VASH1: variants seen among roughly 807,000 people sequenced by gnomAD.
VASH1 encodes the protein vasohibin 1.
VASH1 carries 16 observed loss-of-function variants against 35.0 expected under a neutral mutation model. That is an observed-to-expected ratio of 0.46 (90% CI 0.31 to 0.70). VASH1 has a LOEUF of 0.70. Ranked by LOEUF, VASH1 falls within the 30% of genes least tolerant of loss-of-function variation. The pLI is 0.05. For synonymous variants in VASH1, 214 were observed against 200.9 expected, an observed-to-expected ratio of 1.07 and a Z score of -0.55; for missense variants, 505 against 510.7, an observed-to-expected ratio of 0.99 and a Z score of 0.11.
Position 76,781,885 on chromosome 14 carries a change from T to C in VASH1, c.*2867T>C, listed in dbSNP as rs537957735. ...AGAGGCAGGGACTTTGGGGCCTTAG[T>C]CACCATCCATGGTATCACCTCATCT... is the stretch of plus-strand genomic sequence containing the variant. On this transcript the variant is annotated 3_prime_UTR_variant, in exon 7 of 7. Coordinates refer to ENST00000167106, the MANE Select transcript of VASH1 (RefSeq NM_014909.5). 23 of 153,148 alleles carry C rather than the reference T, an allele frequency of 1.5e-4. No individual in the cohort carries two copies. The highest frequency in any genetic ancestry group is 5.5e-4 in the African/African-American group (23 of 41,568). The allele number at this position is 153,148 out of a possible 1,614,324, so 9.5% of individuals were successfully genotyped here. A position where few individuals can be genotyped will look rare whatever the true frequency, so the allele number is the denominator to read the frequency against.
Position 76,779,787 on chromosome 14 carries a change from C to A in VASH1, c.*769C>A, listed in dbSNP as rs915047359. The A allele has an allele frequency of 7.6e-6, 4 of 523,572 alleles. No homozygotes were observed. Among genetic ancestry groups the A allele is most frequent in the Middle Eastern group, 5.0e-4 (1 of 2,020 alleles). The allele number at this position is 523,572 out of a possible 1,614,324, so 32.4% of individuals were successfully genotyped here. A position where few individuals can be genotyped will look rare whatever the true frequency, so the allele number is the denominator to read the frequency against. On this transcript the variant is annotated 3_prime_UTR_variant, in exon 7 of 7. Transcript: ENST00000167106. ...TCTGCCTGTTGCTCTAGCCCACAGGCTCCCTGCGGAGGGTCTGGGCTTGGC... is the reference window on the plus strand; with the variant it reads ...TCTGCCTGTTGCTCTAGCCCACAGGATCCCTGCGGAGGGTCTGGGCTTGGC...
Position 76,762,530 on chromosome 14 carries a change from T to G in VASH1, c.-292T>G. 1.5e-5 allele frequency: 4 copies of G among 265,186 alleles called. No individual in the cohort carries two copies. The highest frequency in any genetic ancestry group is 2.2e-5 in the African/African-American group (1 of 45,532). 16.4% of individuals were successfully genotyped at this position (265,186 alleles called of 1,614,324 possible). ...GCCCGTCATTGTTCTCGCAGTTAGA[T>G]GGGGGTGCTTTGTGACGGCTGCCAA... On this transcript the variant is annotated 5_prime_UTR_variant, in exon 1 of 7. An upstream start codon of the reference 5' UTR is lost. Coordinates refer to ENST00000167106, the MANE Select transcript of VASH1 (RefSeq NM_014909.5).
At chr14:76,766,650 C>T (rs1893649648) in intron 1 of VASH1, among the ~76,000 whole-genome samples, 1 of 152,076 alleles carries the variant, frequency 6.6e-6, no homozygotes, top group Non-Finnish European at 1.5e-5. Context: ...CTATATTGCC[C>T]AGGCTGGTCT....
intron 1 of VASH1, among the ~76,000 whole-genome samples, chr14:76,768,912 G>A (rs947362430): frequency 1.2e-4 from 18 of 152,188 alleles, no homozygotes; most frequent in African/African-American, 4.3e-4. Context: ...ACAAGGGGGA[G>A]CCCTGAGGGG....
chr14:76,777,854 G>C, intron 5 of VASH1, 105 bp from the exon 6 acceptor site: 1 of 771,310 alleles, frequency 1.3e-6, no homozygotes, highest in Non-Finnish European at 1.9e-6. Flanking sequence ...GAGGTTCCCC[G>C]GGCCTTCCCC....
Position 76,763,004 on chromosome 14 carries a change from T to C in VASH1, c.183T>C (p.Phe61=). The C allele has an allele frequency of 6.5e-7, 1 of 1,549,476 alleles. No homozygotes were observed. The highest frequency in any genetic ancestry group is 1.2e-5 in the South Asian group (1 of 83,162). ...TGCGAGACGGAGGCGTCCCCTTCTTTGTCAACCGGGGTGGGCTACCTGTGG... is the reference window on the plus strand; with the variant it reads ...TGCGAGACGGAGGCGTCCCCTTCTTCGTCAACCGGGGTGGGCTACCTGTGG... ...EDLRDGGVPF[F]VNRGGLPVDE... The change falls in exon 1 of 7, where the codon TTT becomes TTC. Residue 61 remains phenylalanine (F), a synonymous_variant. Coordinates refer to ENST00000167106, the MANE Select transcript of VASH1 (RefSeq NM_014909.5).
chr14:76,766,088 A>C (rs1181400252), intron 1 of VASH1, among the ~76,000 whole-genome samples: 1 of 152,256 alleles, frequency 6.6e-6, no homozygotes, highest in African/African-American at 2.4e-5. Context: ...GATGCAAAGC[A>C]TGTGATGCTT....
chr14:76,776,050 C>T lies in VASH1; in HGVS notation c.689C>T (p.Pro230Leu). 1.2e-6 allele frequency: 2 copies of T among 1,610,718 alleles called. No homozygotes were observed. The highest frequency in any genetic ancestry group is 1.7e-6 in the Non-Finnish European group (2 of 1,179,568). Residue 230 changes from proline (P) to leucine (L), a missense_variant, in exon 5 of 7, where the codon CCG becomes CTG. Coordinates refer to ENST00000167106, the MANE Select transcript of VASH1 (RefSeq NM_014909.5). Reference protein sequence around the residue: ...MSRREDLMYKPPAFRTLSELV... With the variant: ...MSRREDLMYKLPAFRTLSELV... ...CGGCGCGAGGACCTGATGTACAAGCCGCCCGCCTTCCGCACGCTCAGCGAG... is the reference window on the plus strand; with the variant it reads ...CGGCGCGAGGACCTGATGTACAAGCTGCCCGCCTTCCGCACGCTCAGCGAG...
rs1319391321 is a variant in VASH1, at chr14:76,776,273, GGTCTGCCC to G, written c.912+2_912+9del. 1 of 1,584,164 alleles carries G rather than the reference GGTCTGCCC, an allele frequency of 6.3e-7. No individual in the cohort carries two copies. Among genetic ancestry groups the G allele is most frequent in the Non-Finnish European group, 8.6e-7 (1 of 1,168,976 alleles). ...GCCACGCCCGCGACATGCGGCTCAA[GGTCTGCCC>G]GCCTTCCACGCCCTCGCCCCCTCCC... On this transcript the variant is annotated splice_donor_variant and splice_donor_5th_base_variant and intron_variant, in intron 5 of 6. Coordinates refer to ENST00000167106, the MANE Select transcript of VASH1 (RefSeq NM_014909.5). LOFTEE classifies it high-confidence loss of function.
chr14:76,774,447 TC>T (rs1382741731), intron 4 of VASH1: 5 of 152,014 alleles, frequency 3.3e-5, no homozygotes, highest in African/African-American at 1.2e-4. Flanking sequence ...AAGTGGAGGC[TC>T]CCACCCTCAT....
chr14:76,771,138 A>G, intron 2 of VASH1, 52 bp from the exon 3 acceptor site: 1 of 1,472,504 alleles, frequency 6.8e-7, no homozygotes, highest in South Asian at 1.4e-5. Flanking sequence ...GCAGGAAGAG[A>G]GGGTCAACCT....
chr14:76,770,855 C>G (rs1268820145), intron 2 of VASH1, among the ~76,000 whole-genome samples: 1 of 152,246 alleles, frequency 6.6e-6, no homozygotes, highest in Non-Finnish European at 1.5e-5. Context: ...ACCCCCTACC[C>G]TAGCCTCCTC....
rs1414714543 is a variant in VASH1 at position 76,776,169 on chromosome 14, G to A, written c.808G>A (p.Val270Met). The stretch of plus-strand genomic sequence containing the variant: ...GAGCGTGTCACACGACCCGCACAGC[G>A]TGGAGCAGATCGAGTGGAAGCACTC... ...GQSVSHDPHSVEQIEWKHSVL... is the reference protein window; with the variant it reads ...GQSVSHDPHSMEQIEWKHSVL... Residue 270 changes from valine (V) to methionine (M), a missense_variant, in exon 5 of 7, where the codon GTG becomes ATG. Transcript: ENST00000167106. 4 of 1,610,762 alleles carry A rather than the reference G, an allele frequency of 2.5e-6. No individual in the cohort carries two copies. Among genetic ancestry groups the A allele is most frequent in the Non-Finnish European group, 3.4e-6 (4 of 1,179,800 alleles).
intron 1 of VASH1, chr14:76,769,449 T>C (rs1489896330): frequency 8.5e-6 from 11 of 1,289,044 alleles, no homozygotes; most frequent in Admixed American, 2.3e-5. Flanking sequence ...CTGGAAGGCA[T>C]GGCGAATATG....
Position 76,779,662 on chromosome 14 carries a change from T to C in VASH1, c.*644T>C. 1.7e-6 allele frequency: 1 copy of C among 604,076 alleles called. No homozygotes were observed. Among genetic ancestry groups the C allele is most frequent in the South Asian group, 2.0e-5 (1 of 50,642 alleles). The allele number at this position is 604,076 out of a possible 1,614,324, so 37.4% of individuals were successfully genotyped here. On this transcript the variant is annotated 3_prime_UTR_variant, in exon 7 of 7. Transcript: ENST00000167106. ...CCCTTGAGGCCCCCATGGGCAGTGCTGTGTGGGCAGAGGAGGGGTGATATG... is the reference window on the plus strand; with the variant it reads ...CCCTTGAGGCCCCCATGGGCAGTGCCGTGTGGGCAGAGGAGGGGTGATATG...
At chr14:76,770,134 G>A in intron 2 of VASH1, 83 bp downstream of exon 2, 1 of 1,332,704 alleles carries the variant, frequency 7.5e-7, no homozygotes, top group Non-Finnish European at 1.1e-6. Context: ...AGAGGTATCA[G>A]CAGAGCCGCC....
chr14:76,763,425 T>C (rs1893559628), intron 1 of VASH1, among the ~76,000 whole-genome samples: 1 of 152,172 alleles, frequency 6.6e-6, no homozygotes, highest in South Asian at 2.1e-4. Flanking sequence ...TGGCTTGACG[T>C]CTCATTTGCT....
chr14:76,775,604 C>G (rs910292020), intron 4 of VASH1, among the ~76,000 whole-genome samples: 1 of 152,184 alleles, frequency 6.6e-6, no homozygotes. Flanking sequence ...CTCTGGAAAG[C>G]CCTGCAGTGT....
At chr14:76,778,913 C>T (rs1193740027) in intron 6 of VASH1, 33 bp from the exon 7 acceptor site, 3 of 1,609,784 alleles carry the variant, frequency 1.9e-6, no homozygotes, top group Middle Eastern at 1.7e-4. Context: ...AGACCACTCA[C>T]TCTCCTCCCG....
Sources: gnomAD v4.1 joint callset for allele counts (sites outside exome capture counted in the v4.1 genomes callset) on GRCh38, gnomAD v4.1.1 for gene constraint, MANE v1.5 for transcripts, NCBI Gene and HGNC (gene_info 2026-07-23, HGNC 2026-07-21) for gene names.